The following FAM200A variants were observed in gnomAD, a reference collection of about 807,000 sequenced individuals.
The protein encoded by FAM200A is ZBED8 like.
A neutral mutation model predicts 44.2 loss-of-function variants in FAM200A; 26 were observed. The observed-to-expected ratio is 0.59, with a 90% confidence interval of 0.43 to 0.82. The LOEUF is 0.82. Ranked by LOEUF, FAM200A falls within the 40% of genes least tolerant of loss-of-function variation. The pLI is 0.00. For synonymous variants in FAM200A, 206 were observed against 244.4 expected, an observed-to-expected ratio of 0.84 and a Z score of 1.47; for missense variants, 606 against 669.5, an observed-to-expected ratio of 0.91 and a Z score of 1.05.
At chr7:99,557,698 A>C (rs916518466) in intron 1 of FAM200A, among the ~76,000 whole-genome samples, 1 of 152,238 alleles carries the variant, frequency 6.6e-6, no homozygotes, top group Non-Finnish European at 1.5e-5. Context: ...AAGGAATATC[A>C]GAATCTCCAA....
At position 99,548,197 on chromosome 7, in the gene FAM200A, C is replaced by T. The variant is rs1159385585; in HGVS notation, c.211G>A (p.Val71Met). The change falls in exon 2 of 2, where the codon GTG becomes ATG. Residue 71 changes from valine to methionine, a missense_variant. Val to Met is a conservative substitution (Grantham distance 21). Transcript: ENST00000449309. ...LLSSYLVAYR[V>M]AKEKMAHTAA... ...GTGTGAGCCATTTTCTCTTTTGCCA[C>T]TCTATATGCAACTAAATACGATGAC... The T allele has an allele frequency of 1.9e-6, 3 of 1,567,550 alleles. No individual in the cohort carries two copies. The highest frequency in any genetic ancestry group is 1.4e-5 in the African/African-American group (1 of 73,860).
chr7:99,553,678 A>G (rs897028267), upstream of FAM200A, among the ~76,000 whole-genome samples: 2 of 152,238 alleles, frequency 1.3e-5, no homozygotes, highest in Non-Finnish European at 2.9e-5. Flanking sequence ...CTGTATGCAC[A>G]TAGTCCTACT....
At chr7:99,556,627 A>AT (rs1802684616), upstream of FAM200A, among the ~76,000 whole-genome samples, 1 of 152,186 alleles carries the variant, frequency 6.6e-6, no homozygotes, top group Admixed American at 6.5e-5. Flanking sequence ...TAGGAAAAAA[A>AT]TCTTAAAAAA....
chr7:99,548,476 C>T lies in FAM200A; in HGVS notation c.-69G>A, dbSNP rs1209734318. ...TGTTTTGCAGGGCTGTCCTTTGTGACCTAGGTTTTATGAGATCAGGTTTTG... is the reference window on the plus strand; with the variant it reads ...TGTTTTGCAGGGCTGTCCTTTGTGATCTAGGTTTTATGAGATCAGGTTTTG... On this transcript the variant is annotated 5_prime_UTR_variant, in exon 2 of 2. Coordinates refer to ENST00000449309, the MANE Select transcript of FAM200A (RefSeq NM_145111.4). The T allele has an allele frequency of 6.5e-7, 1 of 1,544,100 alleles. No individual in the cohort carries two copies. Among genetic ancestry groups the T allele is most frequent in the Non-Finnish European group, 8.7e-7 (1 of 1,149,140 alleles).
upstream of FAM200A, among the ~76,000 whole-genome samples, chr7:99,556,860 A>AC (rs1802695536): frequency 6.6e-6 from 1 of 152,164 alleles, no homozygotes; most frequent in Non-Finnish European, 1.5e-5. Flanking sequence ...ACATGGTGAA[A>AC]CCCCATCTCT....
chr7:99,549,293 G>A (rs1470593832), intron 1 of FAM200A, among the ~76,000 whole-genome samples: 2 of 151,722 alleles, frequency 1.3e-5, no homozygotes, highest in East Asian at 2.0e-4. Context: ...CAACACATGC[G>A]ATTGACAAAA....
At chr7:99,552,990 CATAT>C (rs1284772059), upstream of FAM200A, among the ~76,000 whole-genome samples, 4 of 143,012 alleles carry the variant, frequency 2.8e-5, no homozygotes, top group Non-Finnish European at 4.5e-5. Context: ...TATATACACA[CATAT>C]ATATACACAC....
chr7:99,548,722 A>G (rs1160291994), intron 1 of FAM200A, among the ~76,000 whole-genome samples: 1 of 151,996 alleles, frequency 6.6e-6, no homozygotes, highest in Non-Finnish European at 1.5e-5. Context: ...CATAATTACT[A>G]TTCTTATATT....
In FAM200A at chr7:99,552,017, C is replaced by A. The variant is rs767569437; in HGVS notation, c.-263G>T. 15 of 985,588 alleles carry A rather than the reference C, an allele frequency of 1.5e-5. No individual in the cohort carries two copies. Among genetic ancestry groups the A allele is most frequent in the Non-Finnish European group, 1.8e-5 (15 of 830,048 alleles). 61.1% of individuals were successfully genotyped at this position (985,588 alleles called of 1,614,324 possible). ...CAACTCTGTCCCCGCCCGGAGAAGT[C>A]TGGGATGCTGGGATAGAAGGGGTTG... On this transcript the variant is annotated 5_prime_UTR_variant, in exon 1 of 2. Coordinates refer to ENST00000449309, the MANE Select transcript of FAM200A (RefSeq NM_145111.4).
At position 99,548,524 on chromosome 7, in the gene FAM200A, G is replaced by C. The variant is rs910482085; in HGVS notation, c.-99-18C>G. 2.7e-6 allele frequency: 4 copies of C among 1,470,874 alleles called. No homozygotes were observed. Among genetic ancestry groups the C allele is most frequent in the Admixed American group, 5.5e-5 (2 of 36,310 alleles). The allele number at this position is 1,470,874 out of a possible 1,614,324, so 91.1% of individuals were successfully genotyped here. ...TTGCTATCCTGCAGGGTAGAAAAAC[G>C]TAACAGCAGTATTAAAAAGCAACAT... On this transcript the variant is annotated intron_variant, in intron 1 of 1. Transcript: ENST00000449309.
At chr7:99,551,129 G>A (rs1802518228) in intron 1 of FAM200A, among the ~76,000 whole-genome samples, 1 of 152,154 alleles carries the variant, frequency 6.6e-6, no homozygotes, top group South Asian at 2.1e-4. Context: ...AGGAAAGGGT[G>A]AAGTGTAAAT....
Position 99,547,179 on chromosome 7 carries a change from A to G in FAM200A, c.1229T>C (p.Ile410Thr), listed in dbSNP as rs1045504677. The G allele has an allele frequency of 5.8e-6, 9 of 1,548,056 alleles. No individual in the cohort carries two copies. In the African/African-American group the frequency reaches 6.9e-5, roughly 12 times the overall value. ...TTCTTTTAAGCAGTCTTCATTAATA[A>G]TGTTCTCTTCGATGTGTTGCAATAA... ...PTLLQHIEEN[I>T]INEDCLKEIK... The change falls in exon 2 of 2, where the codon ATT becomes ACT. Residue 410 changes from isoleucine (I) to threonine (T), a missense_variant. By Grantham distance (89) the Ile-to-Thr change is moderately conservative. Coordinates refer to ENST00000449309, the MANE Select transcript of FAM200A (RefSeq NM_145111.4).
chr7:99,553,535 C>T (rs191545595), upstream of FAM200A, among the ~76,000 whole-genome samples: 1 of 152,166 alleles, frequency 6.6e-6, no homozygotes, highest in East Asian at 1.9e-4. Flanking sequence ...TTCAGTGGCA[C>T]GATTTAATGT....
At chr7:99,554,023 T>C (rs1298893014), upstream of FAM200A, among the ~76,000 whole-genome samples, 1 of 152,222 alleles carries the variant, frequency 6.6e-6, no homozygotes, top group East Asian at 1.9e-4. Flanking sequence ...ATTTAGAGCA[T>C]ATATCAATTC....
chr7:99,557,578 A>T (rs370124692), intron 1 of FAM200A, among the ~76,000 whole-genome samples: 7 of 152,296 alleles, frequency 4.6e-5, no homozygotes, highest in African/African-American at 1.7e-4. Context: ...TAAGCAGTGC[A>T]TTTTCTTTCT....
Position 99,547,053 on chromosome 7 carries a change from A to G in FAM200A, c.1355T>C (p.Met452Thr), listed in dbSNP as rs1265613613. The G allele has an allele frequency of 1.3e-6, 2 of 1,545,676 alleles. No individual in the cohort carries two copies. Among genetic ancestry groups the G allele is most frequent in the African/African-American group, 2.7e-5 (2 of 72,774 alleles). ...KFESLKENIW[M>T]KDPFAFQNPE... ...GTTTTGAAAAGCAAATGGATCTTTC[A>G]TCCAAATATTTTCCTTTAATGATTC... is the stretch of plus-strand genomic sequence containing the variant. Residue 452 changes from methionine (M) to threonine (T), a missense_variant, in exon 2 of 2, where the codon ATG (methionine) becomes ACG (threonine). By Grantham distance (81) the Met-to-Thr change is moderately conservative. Coordinates refer to ENST00000449309, the MANE Select transcript of FAM200A (RefSeq NM_145111.4).
At chr7:99,553,361 T>G (rs1802610669), upstream of FAM200A, among the ~76,000 whole-genome samples, 1 of 151,844 alleles carries the variant, frequency 6.6e-6, no homozygotes, top group South Asian at 2.1e-4. Context: ...GCCTAAAGGG[T>G]CCAGGAAGGC....
In FAM200A at chr7:99,552,097, G is replaced by A. The variant is rs1040419920; in HGVS notation, c.-343C>T. The A allele has an allele frequency of 2.1e-5, 21 of 985,384 alleles. No homozygotes were observed. The highest frequency in any genetic ancestry group is 2.4e-5 in the Non-Finnish European group (20 of 829,968). 61.0% of individuals were successfully genotyped at this position (985,384 alleles called of 1,614,324 possible). A position where few individuals can be genotyped will look rare whatever the true frequency, so the allele number is the denominator to read the frequency against. On this transcript the variant is annotated 5_prime_UTR_variant, in exon 1 of 2. Transcript: ENST00000449309. ...ACATCCAAGCCCCCTGGCCTTCAGA[G>A]CCCAGGGAAAGCGTCACAAAAGCCG...
Position 99,548,048 on chromosome 7 carries a change from A to G in FAM200A, c.360T>C (p.Cys120=), listed in dbSNP as rs141164072. The change falls in exon 2 of 2, where the codon TGT becomes TGC. Residue 120 remains cysteine, a synonymous_variant. Coordinates refer to ENST00000449309, the MANE Select transcript of FAM200A (RefSeq NM_145111.4). ...LSDNTISRRI[C]TIAKHLEAML... ...TTGCTTCCAAATGTTTTGCAATCGT[A>G]CAGATTCGACGAGATATTGTATTAT... The G allele has an allele frequency of 7.0e-5, 109 of 1,551,486 alleles. No individual in the cohort carries two copies. The highest frequency in any genetic ancestry group is 8.5e-5 in the Non-Finnish European group (97 of 1,146,986).
Sources: gnomAD v4.1 joint callset for allele counts (sites outside exome capture counted in the v4.1 genomes callset) on GRCh38, gnomAD v4.1.1 for gene constraint, MANE v1.5 for transcripts, NCBI Gene and HGNC (gene_info 2026-07-23, HGNC 2026-07-21) for gene names.